The following NCKAP5 variants were observed in gnomAD, a reference collection of about 807,000 sequenced individuals.
NCKAP5 encodes the protein nck-associated protein 5.
In NCKAP5, 92 loss-of-function variants were observed where a neutral mutation model predicts 167.0. That is an observed-to-expected ratio of 0.55 (90% CI 0.47 to 0.66). NCKAP5 has a LOEUF of 0.66. NCKAP5 is among the 30% of genes least tolerant of loss of function. NCKAP5 has a pLI of 0.00. For missense variants in NCKAP5, 2,378 were observed against 2,315.0 expected, an observed-to-expected ratio of 1.03 and a Z score of -0.56; for synonymous variants, 891 against 877.4, an observed-to-expected ratio of 1.02 and a Z score of -0.27.
At chr2:133,625,979 G>A in the NCKAP5 span, among the ~76,000 whole-genome samples, 1 of 151,878 alleles carries the variant, frequency 6.6e-6, no homozygotes, top group African/African-American at 2.4e-5. Context: ...TTAATTGGTC[G>A]CCATTGGGGG....
At chr2:133,357,860 G>A (rs996312093) in intron 3 of NCKAP5, among the ~76,000 whole-genome samples, 1 of 152,178 alleles carries the variant, frequency 6.6e-6, no homozygotes, top group African/African-American at 2.4e-5. Context: ...GACCTAAACT[G>A]TGTTCCTTTC....
At chr2:133,004,126 G>C (rs542097942) in intron 6 of NCKAP5, among the ~76,000 whole-genome samples, 1 of 152,198 alleles carries the variant, frequency 6.6e-6, no homozygotes, top group Non-Finnish European at 1.5e-5. Context: ...CACAAAGAGA[G>C]GGGGAGGGAG....
At chr2:132,857,690 T>C (rs557469871) in intron 11 of NCKAP5, among the ~76,000 whole-genome samples, 166 of 152,128 alleles carry the variant, frequency 1.1e-3, no homozygotes, top group African/African-American at 4.0e-3. Flanking sequence ...TGGAGGGGGG[T>C]CTTGTTAATC....
chr2:133,246,561 A>G (rs905006709), intron 4 of NCKAP5, among the ~76,000 whole-genome samples: 5 of 152,356 alleles, frequency 3.3e-5, no homozygotes, highest in African/African-American at 9.6e-5. Context: ...GGTGTGGGCA[A>G]CGTAAGGAAT....
intron 6 of NCKAP5, among the ~76,000 whole-genome samples, chr2:133,097,027 T>C (rs2081365078): frequency 6.6e-6 from 1 of 152,312 alleles, no homozygotes; most frequent in African/African-American, 2.4e-5. Context: ...CAAATCTAGC[T>C]GGGCACCTGA....
At chr2:132,996,721 A>G (rs753985477) in intron 6 of NCKAP5, among the ~76,000 whole-genome samples, 1 of 152,280 alleles carries the variant, frequency 6.6e-6, no homozygotes, top group Non-Finnish European at 1.5e-5. Context: ...AACTGTAGAT[A>G]AAATACATAC....
At chr2:132,736,226 C>T (rs1691490828) in intron 16 of NCKAP5, among the ~76,000 whole-genome samples, 1 of 152,152 alleles carries the variant, frequency 6.6e-6, no homozygotes, top group African/African-American at 2.4e-5. Context: ...AATACATAAA[C>T]CTTTGGAAAT....
At position 132,785,014 on chromosome 2, in the gene NCKAP5, T is replaced by C. The variant is rs1179579698; in HGVS notation, c.1797A>G (p.Lys599=). ...CAGCCAATGACACGTCTGAAGGACT[T>C]TTCTCATCACTGCTCTCTATGTGCA... ...DELHIESSDE[K]SPSDVSLAAD... Residue 599 remains lysine (K), a synonymous_variant, in exon 14 of 20, where the codon AAA becomes AAG. Transcript: ENST00000409261. 6.2e-7 allele frequency: 1 copy of C among 1,614,004 alleles called. No individual in the cohort carries two copies. Among genetic ancestry groups the C allele is most frequent in the Admixed American group, 1.7e-5 (1 of 60,026 alleles).
intron 3 of NCKAP5, among the ~76,000 whole-genome samples, chr2:133,352,948 G>T (rs191077239): frequency 6.6e-6 from 1 of 152,186 alleles, no homozygotes; most frequent in East Asian, 1.9e-4. Context: ...ATTTAAAGTC[G>T]GCTGCTTCTC....
intron 6 of NCKAP5, among the ~76,000 whole-genome samples, chr2:133,129,136 G>A (rs1232745430): frequency 6.7e-6 from 1 of 148,874 alleles, no homozygotes; most frequent in Non-Finnish European, 1.5e-5. Context: ...GGGTACATGT[G>A]CACAATGTGC....
At chr2:133,613,781 G>A in the NCKAP5 span, among the ~76,000 whole-genome samples, 1 of 152,074 alleles carries the variant, frequency 6.6e-6, no homozygotes, top group Non-Finnish European at 1.5e-5. Flanking sequence ...CACCAAAATG[G>A]GAATGGCGCT....
the NCKAP5 span, among the ~76,000 whole-genome samples, chr2:133,665,885 T>A: frequency 6.6e-6 from 1 of 150,620 alleles, no homozygotes; most frequent in African/African-American, 2.5e-5. Flanking sequence ...CATTTTTGTT[T>A]ATTTGATTCA....
intron 3 of NCKAP5, among the ~76,000 whole-genome samples, chr2:133,408,347 T>C (rs1688570851): frequency 6.6e-6 from 1 of 152,188 alleles, no homozygotes; most frequent in Admixed American, 6.5e-5. Flanking sequence ...GTGTGCAGCA[T>C]ATATGTTTTT....
chr2:133,091,955 G>A (rs1051134755), intron 6 of NCKAP5, among the ~76,000 whole-genome samples: 2 of 152,088 alleles, frequency 1.3e-5, no homozygotes, highest in Non-Finnish European at 2.9e-5. Flanking sequence ...TTTCTTTCCA[G>A]GATAAAGCCA....
chr2:133,670,202 T>C, the NCKAP5 span, among the ~76,000 whole-genome samples: 95,281 of 152,008 alleles, frequency 0.63, 30,809 homozygotes, highest in East Asian at 0.85. Flanking sequence ...CCTGCTGCAT[T>C]AGGATTTTGT....
At chr2:133,374,130 C>T (rs1011326065) in intron 3 of NCKAP5, among the ~76,000 whole-genome samples, 2 of 152,134 alleles carry the variant, frequency 1.3e-5, no homozygotes, top group African/African-American at 4.8e-5. Context: ...CATAGGTGAA[C>T]GGATAAACTG....
intron 11 of NCKAP5, among the ~76,000 whole-genome samples, chr2:132,808,593 C>T (rs563000224): frequency 2.0e-5 from 3 of 152,078 alleles, no homozygotes; most frequent in South Asian, 2.1e-4. Context: ...ATTTCAGTGG[C>T]GTCAGTTGTA....
At chr2:133,419,782 A>G (rs1303451463) in intron 3 of NCKAP5, among the ~76,000 whole-genome samples, 1 of 152,218 alleles carries the variant, frequency 6.6e-6, no homozygotes, top group Non-Finnish European at 1.5e-5. Context: ...AAAATCATTC[A>G]CAATTATTCC....
chr2:133,417,535 G>A (rs750886597), intron 3 of NCKAP5, among the ~76,000 whole-genome samples: 3 of 152,230 alleles, frequency 2.0e-5, no homozygotes, highest in Non-Finnish European at 4.4e-5. Flanking sequence ...CTGTCGAGGT[G>A]CACAATGTGG....
Sources: allele counts gnomAD v4.1 joint callset (sites outside exome capture counted in the v4.1 genomes callset), GRCh38; gene constraint gnomAD v4.1.1; transcripts MANE v1.5; gene names NCBI Gene and HGNC (gene_info 2026-07-23, HGNC 2026-07-21).